HGS: variants seen among roughly 807,000 people sequenced by gnomAD.
HGS encodes hepatocyte growth factor-regulated tyrosine kinase substrate, also known as human growth factor-regulated tyrosine kinase substrate.
A neutral mutation model predicts 109.7 loss-of-function variants in HGS; 63 were observed. The ratio of observed to expected loss-of-function variants is 0.57; its 90% CI spans 0.47 to 0.71. The LOEUF is 0.71. Ranked by LOEUF, HGS falls within the 30% of genes least tolerant of loss-of-function variation. The pLI is 0.00. For missense variants in HGS, 995 were observed against 1,068.3 expected, an observed-to-expected ratio of 0.93 and a Z score of 0.96; for synonymous variants, 546 against 437.3, an observed-to-expected ratio of 1.25 and a Z score of -3.10.
At chr17:81,701,154 C>T in intron 21 of HGS, 23 bp downstream of exon 21, 1 of 1,597,400 alleles carries the variant, frequency 6.3e-7, no homozygotes, top group Non-Finnish European at 8.6e-7. Flanking sequence ...CGGGGCCTCA[C>T]AGCGGCACCC....
rs1245266305 is a variant in HGS at position 81,696,347 on chromosome 17, C to T, written c.1394-10C>T. 3 of 1,560,090 alleles carry T rather than the reference C, an allele frequency of 1.9e-6. No individual in the cohort carries two copies. The highest frequency in any genetic ancestry group is 2.6e-6 in the Non-Finnish European group (3 of 1,157,254). ...GGAGTGGTCAGGGTTGCTCTGTCAT[C>T]TGCCCACAGTGTACTATGAGGGGCT... On this transcript the variant is annotated splice_polypyrimidine_tract_variant and intron_variant, in intron 15 of 21. Coordinates refer to ENST00000329138, the MANE Select transcript of HGS (RefSeq NM_004712.5).
chr17:81,693,751 T>G lies in HGS; in HGVS notation c.839T>G (p.Leu280Arg). The change falls in exon 10 of 22, where the codon CTG becomes CGG. Residue 280 changes from leucine (L) to arginine (R), a missense_variant and splice_region_variant. Physicochemically the swap from Leu to Arg is moderately radical, Grantham distance 102 (BLOSUM62 -2). Coordinates refer to ENST00000329138, the MANE Select transcript of HGS (RefSeq NM_004712.5). Reference sequence around the variant, plus strand: ...TCAGAGGCGGAGGAGAAGGAGAGGCTGGTAAGCCGGGTGGGGCGGGGCGGC... The same window carrying G: ...TCAGAGGCGGAGGAGAAGGAGAGGCGGGTAAGCCGGGTGGGGCGGGGCGGC... ...SQSEAEEKER[L>R]RQKSTYTSYP... The G allele has an allele frequency of 3.9e-6, 6 of 1,548,358 alleles. No individual in the cohort carries two copies. Among genetic ancestry groups the G allele is most frequent in the Non-Finnish European group, 5.2e-6 (6 of 1,148,764 alleles).
chr17:81,687,491 C>A (rs1247248691), intron 4 of HGS, among the ~76,000 whole-genome samples: 1 of 152,150 alleles, frequency 6.6e-6, no homozygotes, highest in East Asian at 1.9e-4. Flanking sequence ...GCAGGCTGGC[C>A]ACATCCCACA....
At chr17:81,685,020 C>T in intron 1 of HGS, 13 of 985,394 alleles carry the variant, frequency 1.3e-5, no homozygotes, top group Non-Finnish European at 1.6e-5. Flanking sequence ...GGAGCTGCCC[C>T]CCCAGAGGGG....
intron 6 of HGS, 49 bp downstream of exon 6, chr17:81,690,283 G>A (rs768276059): frequency 5.0e-6 from 8 of 1,588,586 alleles, no homozygotes; most frequent in Admixed American, 3.4e-5. Context: ...TGCTCAGGAA[G>A]CGTGAAGGGG....
Position 81,700,512 on chromosome 17 carries a change from G to T in HGS, c.1928G>T (p.Gly643Val), listed in dbSNP as rs201755663. 6.2e-6 allele frequency: 10 copies of T among 1,607,358 alleles called. No individual in the cohort carries two copies. In the Admixed American group the frequency reaches 1.2e-4, roughly 19 times the overall value. ...SAYMYPAGAT[G>V]AQAAPQAQAG... ...TACATGTACCCAGCAGGGGCCACTG[G>T]GGCGCAGGCGGCCCCCCAGGCCCAG... The change falls in exon 19 of 22, where the codon GGG (glycine) becomes GTG (valine). Residue 643 changes from glycine (G) to valine (V), a missense_variant. Physicochemically the swap from Gly to Val is moderately radical, Grantham distance 109. Around this residue, in one of 6 missense-constraint regions of HGS, gnomAD observed 326 missense variants for 309.7 expected, o/e 1.05. Transcript: ENST00000329138.
intron 10 of HGS, 28 bp from the exon 11 acceptor site, chr17:81,693,827 CGTCACGTGCACCCAA>C: frequency 6.4e-7 from 1 of 1,563,434 alleles, no homozygotes; most frequent in Non-Finnish European, 8.7e-7. Flanking sequence ...GCCGGAGGGG[CGTCACGTGCACCCAA>C]GTGACGCCCC....
At position 81,695,042 on chromosome 17, in the gene HGS, A is replaced by G. The variant is rs1348743387; in HGVS notation, c.1094A>G (p.His365Arg). Residue 365 changes from histidine to arginine, a missense_variant, in exon 13 of 22, where the codon CAC becomes CGC. His to Arg is a conservative substitution (Grantham distance 29). Transcript: ENST00000329138. ...CCGGCTGCACAGCCTGGGGAAGGGC[A>G]CGCAGCCCCCACCAACGTGGTGGAG... ...TEPAAQPGEG[H>R]AAPTNVVENP... is the part of the protein sequence containing the mutation. The G allele has an allele frequency of 1.9e-6, 3 of 1,613,546 alleles. No individual in the cohort carries two copies. Among genetic ancestry groups the G allele is most frequent in the Admixed American group, 3.3e-5 (2 of 59,988 alleles).
At chr17:81,690,137 C>G in intron 5 of HGS, 45 bp from the exon 6 acceptor site, 1 of 1,591,940 alleles carries the variant, frequency 6.3e-7, no homozygotes, top group South Asian at 1.1e-5. Flanking sequence ...GGAAGTCTTG[C>G]AGGCCAGGTG....
Position 81,686,397 on chromosome 17 carries a change from C to A in HGS, c.198+10C>A. On this transcript the variant is annotated intron_variant, in intron 3 of 21. Transcript: ENST00000329138. ...CTTGTATGCCCTGGAGGTAAGCAGA[C>A]CCCCGTGCCTCAGTGGCCCCCAGGG... is the stretch of plus-strand genomic sequence containing the variant. 14 of 1,610,932 alleles carry A rather than the reference C, an allele frequency of 8.7e-6. No individual in the cohort carries two copies. Among genetic ancestry groups the A allele is most frequent in the Non-Finnish European group, 1.2e-5 (14 of 1,177,684 alleles).
At chr17:81,700,932 C>A in intron 20 of HGS, 113 bp from the exon 21 acceptor site, 2 of 1,522,254 alleles carry the variant, frequency 1.3e-6, no homozygotes, top group Non-Finnish European at 1.8e-6. Context: ...GCTCCTCCCC[C>A]TCCACTCTCT....
At chr17:81,694,080 C>A in intron 11 of HGS, 115 bp downstream of exon 11, 1 of 855,714 alleles carries the variant, frequency 1.2e-6, no homozygotes, top group Non-Finnish European at 1.8e-6. Context: ...CCCCGGGCTT[C>A]CCAGAGAGGA....
rs754716975 is a variant in HGS, at chr17:81,696,811, CTT to C, written c.1708-10_1708-9del. On this transcript the variant is annotated splice_polypyrimidine_tract_variant and intron_variant, in intron 17 of 21. Transcript: ENST00000329138. ...TGAGGACCAACTCTCACCGCTGTCT[CTT>C]TTGTCCCCAGCTCCAGGCCATGCCC... 1.7e-5 allele frequency: 28 copies of C among 1,605,362 alleles called. No individual in the cohort carries two copies. Among genetic ancestry groups the C allele is most frequent in the Admixed American group, 3.3e-5 (2 of 59,730 alleles).
At chr17:81,699,746 G>A (rs1041077654) in intron 18 of HGS, among the ~76,000 whole-genome samples, 2 of 151,370 alleles carry the variant, frequency 1.3e-5, no homozygotes, top group Non-Finnish European at 2.9e-5. Context: ...TTTTAGAAAC[G>A]TGAAACCTGA....
In HGS at chr17:81,691,868, T is replaced by C; in HGVS notation, c.662+297T>C. The C allele has an allele frequency of 3.3e-6, 1 of 307,416 alleles. No individual in the cohort carries two copies. Among genetic ancestry groups the C allele is most frequent in the Non-Finnish European group, 6.2e-6 (1 of 160,676 alleles). 19.0% of individuals were successfully genotyped at this position (307,416 alleles called of 1,614,324 possible). A position where few individuals can be genotyped will look rare whatever the true frequency, so the allele number is the denominator to read the frequency against. On this transcript the variant is annotated intron_variant, in intron 8 of 21. Transcript: ENST00000329138. This position sits in a 1 kb window ranked among gnomAD's most constrained non-coding sequence, Gnocchi z 5.3. ...TGCATTTCAACTTTCGGAATAAAAC[T>C]TACAGAAAAGTTGCAAGAGTAGCAC...
Position 81,693,861 on chromosome 17 carries a change from C to A in HGS, c.841-9C>A, listed in dbSNP as rs550357145. ...CACCCAAGTGACGCCCCTTCTGATT[C>A]TGCCTCAGAGACAGAAGTCCACGTA... On this transcript the variant is annotated splice_polypyrimidine_tract_variant and intron_variant, in intron 10 of 21. Coordinates refer to ENST00000329138, the MANE Select transcript of HGS (RefSeq NM_004712.5). 6.2e-7 allele frequency: 1 copy of A among 1,600,556 alleles called. No homozygotes were observed. Among genetic ancestry groups the A allele is most frequent in the African/African-American group, 1.3e-5 (1 of 74,494 alleles).
At chr17:81,690,121 G>T in intron 5 of HGS, 61 bp from the exon 6 acceptor site, 2 of 1,559,540 alleles carry the variant, frequency 1.3e-6, no homozygotes, top group East Asian at 2.3e-5. Flanking sequence ...TGAGGAAGGG[G>T]CTCCCGGAAG....
chr17:81,697,111 T>G (rs1286145239), intron 18 of HGS, 113 bp downstream of exon 18: 3 of 1,151,368 alleles, frequency 2.6e-6, no homozygotes, highest in Non-Finnish European at 3.6e-6. Flanking sequence ...TGCCCCGATG[T>G]GAATGTTGTC....
chr17:81,687,341 G>A (rs1186919638), intron 4 of HGS, among the ~76,000 whole-genome samples: 2 of 152,250 alleles, frequency 1.3e-5, no homozygotes, highest in Non-Finnish European at 2.9e-5. Context: ...GGACCAAGGT[G>A]ACAGCGACCC....
Sources: gnomAD v4.1 joint callset for allele counts (sites outside exome capture counted in the v4.1 genomes callset) on GRCh38, gnomAD v4.1.1 for gene constraint, gnomAD v4.1.1 regional missense constraint, Gnocchi (gnomAD v3.1) non-coding constraint, MANE v1.5 for transcripts, NCBI Gene and HGNC (gene_info 2026-07-23, HGNC 2026-07-21) for gene names.